The following OR5M9 variants were observed in gnomAD, a reference collection of about 807,000 sequenced individuals.
OR5M9 encodes olfactory receptor 5M9.
For missense variants in OR5M9, 464 were observed against 383.6 expected (o/e 1.21, Z -1.75); for synonymous variants, 174 against 145.0 (o/e 1.20, Z -1.44).
Position 56,462,540 on chromosome 11 carries a change from A to T in OR5M9, c.862T>A (p.Tyr288Asn), listed in dbSNP as rs1695943636. The T allele has an allele frequency of 6.2e-7, 1 of 1,613,690 alleles. No homozygotes were observed. Among genetic ancestry groups the T allele is most frequent in the African/African-American group, 1.3e-5 (1 of 74,916 alleles). ...TVIPMLNPMI[Y>N]SLRNKDVKEA... The stretch of plus-strand genomic sequence containing the variant: ...TTTACATCCTTATTTCTCAGACTGT[A>T]GATCATGGGATTCAACATAGGAATT... Residue 288 changes from tyrosine to asparagine, a missense_variant, in exon 1 of 1, where the codon TAC becomes AAC. By Grantham distance (143) the Tyr-to-Asn change is moderately radical. Coordinates refer to ENST00000279791, the MANE Select transcript of OR5M9 (RefSeq NM_001004743.1).
chr11:56,463,084 G>T lies in OR5M9; in HGVS notation c.318C>A (p.Val106=), dbSNP rs779113450. Reference sequence around the variant, plus strand: ...CAGCCAGGATATAGACCTCCACGTGGACAACGGCAATGAAAAAGTAGCACT... The same window carrying T: ...CAGCCAGGATATAGACCTCCACGTGTACAACGGCAATGAAAAAGTAGCACT... ...LVQCYFFIAV[V]HVEVYILAVM... Residue 106 remains valine (V), a synonymous_variant, in exon 1 of 1, where the codon GTC becomes GTA. Transcript: ENST00000279791. 11 of 1,614,018 alleles carry T rather than the reference G, an allele frequency of 6.8e-6. No individual in the cohort carries two copies. In the South Asian group the frequency reaches 1.1e-4, roughly 16 times the overall value.
rs752267599 is a variant in OR5M9, at chr11:56,462,706, C to T, written c.696G>A (p.Arg232=). The part of the protein sequence containing the change: ...AVLRMRSADG[R]RKAFSTCGSH... ...ACCCACAGGTGGAGAACGCCTTCCT[C>T]CTGCCATCGGCAGAGCGCATGCGTA... is the stretch of plus-strand genomic sequence containing the variant. The change falls in exon 1 of 1, where the codon AGG becomes AGA. Residue 232 remains arginine, a synonymous_variant. Coordinates refer to ENST00000279791, the MANE Select transcript of OR5M9 (RefSeq NM_001004743.1). The T allele has an allele frequency of 1.2e-6, 2 of 1,613,256 alleles. No homozygotes were observed. Among genetic ancestry groups the T allele is most frequent in the Non-Finnish European group, 1.7e-6 (2 of 1,179,686 alleles).
In OR5M9 at chr11:56,463,367, A is replaced by G. The variant is rs866241129; in HGVS notation, c.35T>C (p.Leu12Pro). Residue 12 changes from leucine (L) to proline (P), a missense_variant, in exon 1 of 1, where the codon CTC becomes CCC. Transcript: ENST00000279791. Reference sequence around the variant, plus strand: ...CTCCTGACGACAGGTCAGCCCCAGGAGAGTAAATTCTGTCACATCCGTGAA... The same window carrying G: ...CTCCTGACGACAGGTCAGCCCCAGGGGAGTAAATTCTGTCACATCCGTGAA... ...PNFTDVTEFT[L>P]LGLTCRQELQ... 5 of 1,611,570 alleles carry G rather than the reference A, an allele frequency of 3.1e-6. No individual in the cohort carries two copies. In the African/African-American group the frequency reaches 6.7e-5, roughly 22 times the overall value.
rs534180755 is a variant in OR5M9 at position 56,463,232 on chromosome 11, A to G, written c.170T>C (p.Met57Thr). The G allele has an allele frequency of 5.6e-6, 9 of 1,614,016 alleles. No individual in the cohort carries two copies. Among genetic ancestry groups the G allele is most frequent in the East Asian group, 2.2e-5 (1 of 44,822 alleles). Residue 57 changes from methionine to threonine, a missense_variant, in exon 1 of 1, where the codon ATG becomes ACG. Met to Thr is a moderately conservative substitution (Grantham distance 81). Coordinates refer to ENST00000279791, the MANE Select transcript of OR5M9 (RefSeq NM_001004743.1). The stretch of plus-strand genomic sequence containing the variant: ...AGACAGATGACTCAGGAAAAAGTAC[A>G]TGGGACTCTGAAGCTGAGGACTGAT... ...ISISPQLQSPMYFFLSHLSFA... is the reference protein window; with the variant it reads ...ISISPQLQSPTYFFLSHLSFA...
Position 56,462,989 on chromosome 11 carries a change from A to C in OR5M9, c.413T>G (p.Val138Gly). 6.2e-7 allele frequency: 1 copy of C among 1,614,084 alleles called. No individual in the cohort carries two copies. Among genetic ancestry groups the C allele is most frequent in the Non-Finnish European group, 8.5e-7 (1 of 1,179,992 alleles). Residue 138 changes from valine to glycine, a missense_variant, in exon 1 of 1, where the codon GTG (valine) becomes GGG (glycine). By Grantham distance (109) the Val-to-Gly change is moderately radical. Transcript: ENST00000279791. ...LLYGSKMSRT[V>G]CVRLISVPYV... The stretch of plus-strand genomic sequence containing the variant: ...AGGCACAGAGATGAGCCGAACACAC[A>C]CAGTCCTAGACATTTTACTGCCATA...
At position 56,462,552 on chromosome 11, in the gene OR5M9, T is replaced by C. The variant is rs758344896; in HGVS notation, c.850A>G (p.Asn284Asp). ...TTTCTCAGACTGTAGATCATGGGATTCAACATAGGAATTACTGTGGTGTAA... is the reference window on the plus strand; with the variant it reads ...TTTCTCAGACTGTAGATCATGGGATCCAACATAGGAATTACTGTGGTGTAA... ...VFYTTVIPML[N>D]PMIYSLRNKD... is the part of the protein sequence containing the mutation. The change falls in exon 1 of 1, where the codon AAT becomes GAT. Residue 284 changes from asparagine (N) to aspartate (D), a missense_variant. Coordinates refer to ENST00000279791, the MANE Select transcript of OR5M9 (RefSeq NM_001004743.1). 6.2e-7 allele frequency: 1 copy of C among 1,613,818 alleles called. No homozygotes were observed. Among genetic ancestry groups the C allele is most frequent in the Non-Finnish European group, 8.5e-7 (1 of 1,179,732 alleles).
At position 56,462,719 on chromosome 11, in the gene OR5M9, G is replaced by A. The variant is rs1278477054; in HGVS notation, c.683C>T (p.Ser228Phe). Reference sequence around the variant, plus strand: ...GAACGCCTTCCTCCTGCCATCGGCAGAGCGCATGCGTAGCACAGCTACTAC... The same window carrying A: ...GAACGCCTTCCTCCTGCCATCGGCAAAGCGCATGCGTAGCACAGCTACTAC... Reference protein sequence around the residue: ...LIVVAVLRMRSADGRRKAFST... With the variant: ...LIVVAVLRMRFADGRRKAFST... The change falls in exon 1 of 1, where the codon TCT becomes TTT. Residue 228 changes from serine (S) to phenylalanine (F), a missense_variant. Transcript: ENST00000279791. 2 of 1,613,180 alleles carry A rather than the reference G, an allele frequency of 1.2e-6. No homozygotes were observed. Among genetic ancestry groups the A allele is most frequent in the Admixed American group, 3.3e-5 (2 of 59,882 alleles).
At position 56,463,010 on chromosome 11, in the gene OR5M9, C is replaced by T. The variant is rs150372531; in HGVS notation, c.392G>A (p.Gly131Asp). The T allele has an allele frequency of 1.9e-4, 309 of 1,614,036 alleles. No homozygotes were observed. In the African/African-American group the frequency reaches 3.5e-3, roughly 18 times the overall value. The stretch of plus-strand genomic sequence containing the variant: ...ACACACAGTCCTAGACATTTTACTG[C>T]CATAAAGCAGAGGGTTGCAGCCGGC... The part of the protein sequence containing the change: ...YMAGCNPLLY[G>D]SKMSRTVCVR... The change falls in exon 1 of 1, where the codon GGC (glycine) becomes GAC (aspartate). Residue 131 changes from glycine (G) to aspartate (D), a missense_variant. By Grantham distance (94) the Gly-to-Asp change is moderately conservative (BLOSUM62 -1). Transcript: ENST00000279791.
rs144556094 is a variant in OR5M9 at position 56,462,598 on chromosome 11, C to A, written c.804G>T (p.Gln268His). 5.5e-4 allele frequency: 895 copies of A among 1,613,942 alleles called. No homozygotes were observed. Among genetic ancestry groups the A allele is most frequent in the Non-Finnish European group, 5.9e-4 (693 of 1,179,918 alleles). ...TGTAAAACACAGCCACCATTTTGCC[C>A]TGCTCTACGGATTCCTCAGTGGGTC... ...LRRPTEESVE[Q>H]GKMVAVFYTT... Residue 268 changes from glutamine to histidine, a missense_variant, in exon 1 of 1, where the codon CAG becomes CAT. Transcript: ENST00000279791.
chr11:56,463,075 C>T lies in OR5M9; in HGVS notation c.327G>A (p.Glu109=), dbSNP rs763663494. The change falls in exon 1 of 1, where the codon GAG becomes GAA. Residue 109 remains glutamate, a synonymous_variant. Transcript: ENST00000279791. ...AGGCCATCACAGCCAGGATATAGAC[C>T]TCCACGTGGACAACGGCAATGAAAA... ...CYFFIAVVHV[E]VYILAVMAFD... 6.2e-7 allele frequency: 1 copy of T among 1,614,044 alleles called. No homozygotes were observed. The highest frequency in any genetic ancestry group is 1.1e-5 in the South Asian group (1 of 91,082).
chr11:56,462,986 C>T lies in OR5M9; in HGVS notation c.416G>A (p.Cys139Tyr), dbSNP rs1435813771. 3 of 1,613,968 alleles carry T rather than the reference C, an allele frequency of 1.9e-6. No individual in the cohort carries two copies. Among genetic ancestry groups the T allele is most frequent in the East Asian group, 2.2e-5 (1 of 44,878 alleles). The stretch of plus-strand genomic sequence containing the variant: ...ATAAGGCACAGAGATGAGCCGAACA[C>T]ACACAGTCCTAGACATTTTACTGCC... ...LYGSKMSRTV[C>Y]VRLISVPYVY... The change falls in exon 1 of 1, where the codon TGT (cysteine) becomes TAT (tyrosine). Residue 139 changes from cysteine to tyrosine, a missense_variant. Coordinates refer to ENST00000279791, the MANE Select transcript of OR5M9 (RefSeq NM_001004743.1).
chr11:56,463,124 A>G lies in OR5M9; in HGVS notation c.278T>C (p.Val93Ala). The change falls in exon 1 of 1, where the codon GTG (valine) becomes GCG (alanine). Residue 93 changes from valine to alanine, a missense_variant. By Grantham distance (64) the Val-to-Ala change is moderately conservative. Transcript: ENST00000279791. ...AAAGTAGCACTGCACCAAGCATCCC[A>G]CATAGGAAATGGTTTTTGTCTCTGA... ...LLSETKTISYVGCLVQCYFFI... is the reference protein window; with the variant it reads ...LLSETKTISYAGCLVQCYFFI... The G allele has an allele frequency of 6.2e-7, 1 of 1,614,052 alleles. No homozygotes were observed. The highest frequency in any genetic ancestry group is 8.5e-7 in the Non-Finnish European group (1 of 1,179,964).
At position 56,462,773 on chromosome 11, in the gene OR5M9, G is replaced by A. The variant is rs149896578; in HGVS notation, c.629C>T (p.Ser210Leu). The A allele has an allele frequency of 1.7e-5, 28 of 1,612,898 alleles. No homozygotes were observed. The highest frequency in any genetic ancestry group is 2.2e-5 in the South Asian group (2 of 90,982). Residue 210 changes from serine to leucine, a missense_variant, in exon 1 of 1, where the codon TCG becomes TTG. Coordinates refer to ENST00000279791, the MANE Select transcript of OR5M9 (RefSeq NM_001004743.1). ...GAGAGTGTAGGAGATGAGGACCACC[G>A]AGAGGGAATATGTGAAGTTAATTCC... ...IAGINFTYSL[S>L]VVLISYTLIV...
rs142736598 is a variant in OR5M9 at position 56,463,039 on chromosome 11, G to A, written c.363C>T (p.Tyr121=). The change falls in exon 1 of 1, where the codon TAC becomes TAT. Residue 121 remains tyrosine, a synonymous_variant. Coordinates refer to ENST00000279791, the MANE Select transcript of OR5M9 (RefSeq NM_001004743.1). ...AAAGCAGAGGGTTGCAGCCGGCCAT[G>A]TACCTGTCAAAGGCCATCACAGCCA... is the stretch of plus-strand genomic sequence containing the variant. The part of the protein sequence containing the change: ...YILAVMAFDR[Y]MAGCNPLLYG... The A allele has an allele frequency of 1.7e-5, 28 of 1,614,068 alleles. No homozygotes were observed. In the East Asian group the frequency reaches 5.3e-4, roughly 31 times the overall value.
In OR5M9 at chr11:56,463,134, T is replaced by C; in HGVS notation, c.268A>G (p.Ile90Val). 1 of 1,613,956 alleles carries C rather than the reference T, an allele frequency of 6.2e-7. No homozygotes were observed. The highest frequency in any genetic ancestry group is 8.5e-7 in the Non-Finnish European group (1 of 1,179,972). ...TGCACCAAGCATCCCACATAGGAAATGGTTTTTGTCTCTGATAATAAGTTT... is the reference window on the plus strand; with the variant it reads ...TGCACCAAGCATCCCACATAGGAAACGGTTTTTGTCTCTGATAATAAGTTT... Reference protein sequence around the residue: ...LENLLSETKTISYVGCLVQCY... With the variant: ...LENLLSETKTVSYVGCLVQCY... Residue 90 changes from isoleucine (I) to valine (V), a missense_variant, in exon 1 of 1, where the codon ATT becomes GTT. Transcript: ENST00000279791.
chr11:56,462,550 A>G lies in OR5M9; in HGVS notation c.852T>C (p.Asn284=), dbSNP rs750399683. 12 of 1,613,546 alleles carry G rather than the reference A, an allele frequency of 7.4e-6. No individual in the cohort carries two copies. Among genetic ancestry groups the G allele is most frequent in the Admixed American group, 1.7e-5 (1 of 59,972 alleles). The change falls in exon 1 of 1, where the codon AAT becomes AAC. Residue 284 remains asparagine, a synonymous_variant. Transcript: ENST00000279791. ...VFYTTVIPML[N]PMIYSLRNKD... ...TATTTCTCAGACTGTAGATCATGGG[A>G]TTCAACATAGGAATTACTGTGGTGT...
rs79837116 is a variant in OR5M9, at chr11:56,463,135, G to T, written c.267C>A (p.Thr89=). The stretch of plus-strand genomic sequence containing the variant: ...GCACCAAGCATCCCACATAGGAAAT[G>T]GTTTTTGTCTCTGATAATAAGTTTT... ...MLENLLSETK[T]ISYVGCLVQC... The change falls in exon 1 of 1, where the codon ACC becomes ACA. Residue 89 remains threonine (T), a synonymous_variant. Transcript: ENST00000279791. 0.073 allele frequency: 118,070 copies of T among 1,613,702 alleles called. 4,986 individuals carry two copies. Among genetic ancestry groups the T allele is most frequent in the Non-Finnish European group, 0.082 (96,271 of 1,179,758 alleles).
At position 56,463,074 on chromosome 11, in the gene OR5M9, C is replaced by A. The variant is rs1395956050; in HGVS notation, c.328G>T (p.Val110Phe). 6.2e-7 allele frequency: 1 copy of A among 1,613,928 alleles called. No homozygotes were observed. Among genetic ancestry groups the A allele is most frequent in the Non-Finnish European group, 8.5e-7 (1 of 1,179,970 alleles). Reference sequence around the variant, plus strand: ...AAGGCCATCACAGCCAGGATATAGACCTCCACGTGGACAACGGCAATGAAA... The same window carrying A: ...AAGGCCATCACAGCCAGGATATAGAACTCCACGTGGACAACGGCAATGAAA... Reference protein sequence around the residue: ...YFFIAVVHVEVYILAVMAFDR... With the variant: ...YFFIAVVHVEFYILAVMAFDR... The change falls in exon 1 of 1, where the codon GTC becomes TTC. Residue 110 changes from valine to phenylalanine, a missense_variant. Val to Phe is a conservative substitution (Grantham distance 50, BLOSUM62 -1). Coordinates refer to ENST00000279791, the MANE Select transcript of OR5M9 (RefSeq NM_001004743.1).
At position 56,462,648 on chromosome 11, in the gene OR5M9, T is replaced by C. The variant is rs371129585; in HGVS notation, c.754A>G (p.Thr252Ala). 4 of 1,612,692 alleles carry C rather than the reference T, an allele frequency of 2.5e-6. No individual in the cohort carries two copies. The highest frequency in any genetic ancestry group is 3.4e-6 in the Non-Finnish European group (4 of 1,179,616). ...CTCCTGAGATACATGAAGATGGGGG[T>C]CCCATAAAACATAGAAACAGCCGTC... ...HLTAVSMFYGTPIFMYLRRPT... is the reference protein window; with the variant it reads ...HLTAVSMFYGAPIFMYLRRPT... Residue 252 changes from threonine (T) to alanine (A), a missense_variant, in exon 1 of 1, where the codon ACC (threonine) becomes GCC (alanine). Coordinates refer to ENST00000279791, the MANE Select transcript of OR5M9 (RefSeq NM_001004743.1).
Sources: gnomAD v4.1 joint callset for allele counts on GRCh38, gnomAD v4.1.1 for gene constraint, MANE v1.5 for transcripts, NCBI Gene and HGNC (gene_info 2026-07-23, HGNC 2026-07-21) for gene names.